GRID2: variants seen among roughly 807,000 people sequenced by gnomAD.
The protein encoded by GRID2 is glutamate receptor ionotropic, delta-2.
In GRID2, 33 loss-of-function variants were observed where a neutral mutation model predicts 114.8. The observed-to-expected ratio is 0.29, with a 90% CI of 0.22 to 0.38. GRID2 has a LOEUF of 0.38. Ranked by LOEUF, GRID2 falls within the 10% of genes least tolerant of loss-of-function variation. The pLI is 1.00. For missense variants in GRID2, 1,184 were observed against 1,257.7 expected (o/e 0.94, Z 0.89); for synonymous variants, 505 against 449.9 (o/e 1.12, Z -1.55).
chr4:93,216,649 C>T lies in GRID2; in HGVS notation c.790-89C>T, dbSNP rs1429997666. On this transcript the variant is annotated intron_variant, in intron 5 of 15. Coordinates refer to ENST00000282020, the MANE Select transcript of GRID2 (RefSeq NM_001510.4). ...ACCAATATATTACAGTAACAGAATC[C>T]CTAACATTTACAGATAACAACTCAT... 12 of 807,766 alleles carry T rather than the reference C, an allele frequency of 1.5e-5. No homozygotes were observed. In the East Asian group the frequency reaches 2.7e-4, roughly 18 times the overall value. 50.0% of individuals were successfully genotyped at this position (807,766 alleles called of 1,614,324 possible). A position where few individuals can be genotyped will look rare whatever the true frequency, so the allele number is the denominator to read the frequency against.
intron 8 of GRID2, among the ~76,000 whole-genome samples, chr4:93,356,768 A>G (rs926853991): frequency 2.6e-5 from 4 of 151,796 alleles, no homozygotes; most frequent in African/African-American, 9.7e-5. Flanking sequence ...TTTGATACAT[A>G]TTTTTTCATC....
chr4:92,732,735 A>G (rs920658648), intron 2 of GRID2, among the ~76,000 whole-genome samples: 1 of 152,030 alleles, frequency 6.6e-6, no homozygotes, highest in African/African-American at 2.4e-5. Flanking sequence ...CTATCTTTCT[A>G]TCTATCTACC....
chr4:93,434,042 T>G (rs893307027), intron 10 of GRID2, among the ~76,000 whole-genome samples: 12 of 152,302 alleles, frequency 7.9e-5, no homozygotes, highest in African/African-American at 2.6e-4. Context: ...CATGTGAGCC[T>G]AAAAGAGTTT....
At chr4:92,358,159 C>A (rs570473853) in intron 1 of GRID2, among the ~76,000 whole-genome samples, 38 of 145,930 alleles carry the variant, frequency 2.6e-4, no homozygotes, top group African/African-American at 9.1e-4. Flanking sequence ...GAAGGCTAAG[C>A]AGTCTGTCTG....
intron 2 of GRID2, among the ~76,000 whole-genome samples, chr4:92,623,849 T>C (rs1363480284): frequency 6.6e-6 from 1 of 151,768 alleles, no homozygotes; most frequent in Non-Finnish European, 1.5e-5. Context: ...TTTTATACCA[T>C]ATTCTATAAG....
In GRID2 at chr4:93,725,925, C is replaced by T. The variant is rs546918438; in HGVS notation, c.2361-43285C>T. On this transcript the variant is annotated intron_variant, in intron 14 of 15. Coordinates refer to ENST00000282020, the MANE Select transcript of GRID2 (RefSeq NM_001510.4). ...TAGGTTGCAAAAATTTTCTCCCATTCTGTAGGTTGCCTGTTCACTCTGATG... is the reference window on the plus strand; with the variant it reads ...TAGGTTGCAAAAATTTTCTCCCATTTTGTAGGTTGCCTGTTCACTCTGATG... 4.4e-3 allele frequency among the ~76,000 whole-genome samples: 666 copies of T among 152,192 alleles called. 6 individuals are homozygous for T. Among genetic ancestry groups the T allele is most frequent in the African/African-American group, 0.015 (607 of 41,520 alleles).
Position 92,304,436 on chromosome 4 carries a change from G to T in GRID2, c.-221G>T. On this transcript the variant is annotated 5_prime_UTR_variant, in exon 1 of 16. Transcript: ENST00000282020. ...TGGCGATGCCAAAATTCCCCTCCAAGTGACACGGCTTTGCGAAGGAGGTTT... is the reference window on the plus strand; with the variant it reads ...TGGCGATGCCAAAATTCCCCTCCAATTGACACGGCTTTGCGAAGGAGGTTT... 1 of 591,074 alleles carries T rather than the reference G, an allele frequency of 1.7e-6. No homozygotes were observed. The highest frequency in any genetic ancestry group is 3.0e-6 in the Non-Finnish European group (1 of 334,964). The allele number at this position is 591,074 out of a possible 1,614,324, so 36.6% of individuals were successfully genotyped here. A position where few individuals can be genotyped will look rare whatever the true frequency, so the allele number is the denominator to read the frequency against.
intron 1 of GRID2, among the ~76,000 whole-genome samples, chr4:92,576,571 G>T (rs981801087): frequency 2.0e-5 from 3 of 152,292 alleles, no homozygotes; most frequent in South Asian, 4.1e-4. Flanking sequence ...AGACAACCTT[G>T]CCAGGGTTCC....
At position 92,939,382 on chromosome 4, in the gene GRID2, T is replaced by C. The variant is rs1422454655; in HGVS notation, c.245-145613T>C. 1.2e-4 allele frequency among the ~76,000 whole-genome samples: 17 copies of C among 147,370 alleles called. 1 individual carries two copies. The highest frequency in any genetic ancestry group is 3.9e-4 in the African/African-American group (16 of 41,232). On this transcript the variant is annotated intron_variant, in intron 2 of 15. Coordinates refer to ENST00000282020, the MANE Select transcript of GRID2 (RefSeq NM_001510.4). The stretch of plus-strand genomic sequence containing the variant: ...TGTCTTCCTTTGAGAATTGTCTGTT[T>C]ATGTCCTTCACCCACTTTTTGATGG...
intron 2 of GRID2, among the ~76,000 whole-genome samples, chr4:92,713,518 T>TTACCAAA (rs1735381335): frequency 1.7e-5 from 2 of 119,210 alleles, no homozygotes; most frequent in Admixed American, 1.8e-4. Flanking sequence ...TATATATATA[T>TTACCAAA]TACCAAAATT....
chr4:93,721,920 CTTT>C (rs5860343), intron 14 of GRID2, among the ~76,000 whole-genome samples: 7 of 132,604 alleles, frequency 5.3e-5, no homozygotes, highest in Non-Finnish European at 7.9e-5. Flanking sequence ...TTTCTTTTTT[CTTT>C]TTTTTTTTTT....
intron 1 of GRID2, among the ~76,000 whole-genome samples, chr4:92,549,347 T>A (rs374088224): frequency 9.9e-5 from 15 of 152,164 alleles, no homozygotes; most frequent in Admixed American, 9.8e-4. Context: ...AGGGACTATA[T>A]ACCACACCAT....
In GRID2 at chr4:93,207,463, G is replaced by A. The variant is rs778658552; in HGVS notation, c.789+6G>A. 30 of 1,555,194 alleles carry A rather than the reference G, an allele frequency of 1.9e-5. No individual in the cohort carries two copies. In the East Asian group the frequency reaches 3.6e-4, roughly 19 times the overall value. ...ACTGGATCATTATAAATGAGGTAAA[G>A]CCAACTAAACCTTATTGTTAACTCT... On this transcript the variant is annotated splice_donor_region_variant and intron_variant, in intron 5 of 15. Coordinates refer to ENST00000282020, the MANE Select transcript of GRID2 (RefSeq NM_001510.4).
chr4:93,076,870 G>A (rs775756828), intron 2 of GRID2, among the ~76,000 whole-genome samples: 5 of 151,684 alleles, frequency 3.3e-5, no homozygotes, highest in South Asian at 2.1e-4. Context: ...CACCTGCTTC[G>A]GCCCAACCTC....
intron 4 of GRID2, among the ~76,000 whole-genome samples, chr4:93,137,966 GT>G (rs753814961): frequency 0.016 from 1,253 of 78,436 alleles, 16 homozygotes; most frequent in African/African-American, 0.052. Context: ...TTTTTTCTTC[GT>G]TTTTTTTTTT....
intron 8 of GRID2, among the ~76,000 whole-genome samples, chr4:93,370,400 AAC>A (rs907100202): frequency 6.2e-5 from 9 of 144,774 alleles, no homozygotes; most frequent in African/African-American, 1.1e-4. Context: ...AACACACACA[AAC>A]ACACACACAC....
chr4:92,768,373 G>T (rs1738370409), intron 2 of GRID2, among the ~76,000 whole-genome samples: 1 of 152,066 alleles, frequency 6.6e-6, no homozygotes, highest in Non-Finnish European at 1.5e-5. Context: ...TCTGATCTGT[G>T]ACCTTAATGC....
intron 13 of GRID2, among the ~76,000 whole-genome samples, chr4:93,540,469 A>G (rs1038336232): frequency 1.3e-5 from 2 of 152,132 alleles, no homozygotes; most frequent in Admixed American, 1.3e-4. Flanking sequence ...GCAGCTCTGA[A>G]AAACAACTAG....
chr4:92,991,703 T>C (rs1754916447), intron 2 of GRID2, among the ~76,000 whole-genome samples: 1 of 152,106 alleles, frequency 6.6e-6, no homozygotes, highest in Non-Finnish European at 1.5e-5. Flanking sequence ...TTGCCAAACG[T>C]TGTAGAAAAT....
Sources: allele counts gnomAD v4.1 joint callset (sites outside exome capture counted in the v4.1 genomes callset), GRCh38; gene constraint gnomAD v4.1.1; transcripts MANE v1.5; gene names NCBI Gene and HGNC (gene_info 2026-07-23, HGNC 2026-07-21).